Variants in ATP1B1 observed in about 807,000 individuals in gnomAD.
ATP1B1 encodes the protein sodium/potassium-transporting ATPase subunit beta-1.
In ATP1B1, 3 loss-of-function variants were observed where a neutral mutation model predicts 39.6. The ratio of observed to expected loss-of-function variants is 0.08; its 90% CI spans 0.03 to 0.20. The LOEUF (loss-of-function observed/expected upper bound fraction) is 0.20, where lower values mean the gene tolerates loss of function less well. Ranked by LOEUF, ATP1B1 falls within the 10% of genes least tolerant of loss-of-function variation. The pLI is 1.00. For missense variants in ATP1B1, 216 were observed against 371.1 expected, an observed-to-expected ratio of 0.58 and a Z score of 3.43; for synonymous variants, 139 against 135.0, an observed-to-expected ratio of 1.03 and a Z score of -0.20.
At chr1:169,109,243 T>G (rs1657676349) in intron 1 of ATP1B1, among the ~76,000 whole-genome samples, 1 of 152,166 alleles carries the variant, frequency 6.6e-6, no homozygotes, top group Admixed American at 6.5e-5. Flanking sequence ...CATTTGTTTG[T>G]TTTTCCAAAA....
Position 169,106,861 on chromosome 1 carries a change from G to GCTGGAAGAAATTCAT in ATP1B1, c.39_53dup (p.Lys13_Trp17dup), listed in dbSNP as rs1477724445. ...CGCGGGAAAGCCAAGGAGGAGGGCA[G>GCTGGAAGAAATTCAT]CTGGAAGAAATTCATCTGGAACTCA... On this transcript the variant is annotated inframe_insertion, in exon 1 of 6. Coordinates refer to ENST00000367815, the MANE Select transcript of ATP1B1 (RefSeq NM_001677.4). 1 of 1,586,416 alleles carries GCTGGAAGAAATTCAT rather than the reference G, an allele frequency of 6.3e-7. No individual in the cohort carries two copies. The highest frequency in any genetic ancestry group is 1.4e-5 in the African/African-American group (1 of 71,488).
At chr1:169,124,842 T>C in intron 2 of ATP1B1, 42 bp from the exon 3 acceptor site, 1 of 1,593,932 alleles carries the variant, frequency 6.3e-7, no homozygotes, top group Non-Finnish European at 8.6e-7. Flanking sequence ...ATTGTCTTCG[T>C]TTCTGCCTTC....
At chr1:169,122,790 TA>T (rs1658008563) in intron 2 of ATP1B1, among the ~76,000 whole-genome samples, 2 of 147,274 alleles carry the variant, frequency 1.4e-5, no homozygotes. Context: ...AGAGTCTTGC[TA>T]GGTTGCCTGG....
intron 2 of ATP1B1, among the ~76,000 whole-genome samples, chr1:169,117,330 G>A (rs1219050798): frequency 2.0e-5 from 3 of 152,134 alleles, no homozygotes; most frequent in Non-Finnish European, 4.4e-5. Flanking sequence ...GGGTTTGTGG[G>A]GGGAACTCTG....
chr1:169,125,999 A>G (rs1658077563), intron 3 of ATP1B1, among the ~76,000 whole-genome samples: 1 of 152,120 alleles, frequency 6.6e-6, no homozygotes, highest in Non-Finnish European at 1.5e-5. Context: ...AAACAAACAA[A>G]CATAAAACAT....
At chr1:169,129,126 G>A (rs1057099669) in intron 4 of ATP1B1, among the ~76,000 whole-genome samples, 7 of 152,152 alleles carry the variant, frequency 4.6e-5, no homozygotes, top group African/African-American at 1.7e-4. Context: ...AAATCTAGAC[G>A]ATCATTTTCT....
intron 3 of ATP1B1, among the ~76,000 whole-genome samples, chr1:169,126,106 G>A (rs903849019): frequency 6.6e-6 from 1 of 152,180 alleles, no homozygotes; most frequent in African/African-American, 2.4e-5. Flanking sequence ...CTTGGTCAGA[G>A]TATGGGGCGA....
At chr1:169,128,422 GT>G (rs1318804692) in intron 4 of ATP1B1, among the ~76,000 whole-genome samples, 1 of 152,126 alleles carries the variant, frequency 6.6e-6, no homozygotes, top group Non-Finnish European at 1.5e-5. Context: ...GAGATAAAAA[GT>G]TTTGTTAACT....
chr1:169,116,765 C>A (rs1202542520), intron 2 of ATP1B1, among the ~76,000 whole-genome samples: 2 of 151,824 alleles, frequency 1.3e-5, no homozygotes, highest in African/African-American at 4.8e-5. Context: ...GCAGGAGAAT[C>A]ACTTGAACCC....
At chr1:169,122,578 T>G (rs1168569692) in intron 2 of ATP1B1, among the ~76,000 whole-genome samples, 2 of 152,076 alleles carry the variant, frequency 1.3e-5, no homozygotes, top group Non-Finnish European at 2.9e-5. Flanking sequence ...ACTAAAAAAT[T>G]ATGGCTTGTA....
chr1:169,125,842 T>G (rs6427177), intron 3 of ATP1B1, among the ~76,000 whole-genome samples: 83,450 of 151,576 alleles, frequency 0.55, 23,645 homozygotes, highest in East Asian at 0.82. Flanking sequence ...GGGTGTGGTG[T>G]TGTGTGCCCG....
chr1:169,109,701 G>A (rs1353206751), intron 1 of ATP1B1, among the ~76,000 whole-genome samples: 1 of 151,660 alleles, frequency 6.6e-6, no homozygotes, highest in Non-Finnish European at 1.5e-5. Context: ...TGGAGTCCAG[G>A]GAATGAGTAT....
chr1:169,119,990 A>G (rs566389433), intron 2 of ATP1B1, among the ~76,000 whole-genome samples: 1 of 152,002 alleles, frequency 6.6e-6, no homozygotes, highest in South Asian at 2.1e-4. Context: ...GAGAAGAGGA[A>G]TTTTTCTAAT....
chr1:169,114,049 A>G (rs1029331968), intron 2 of ATP1B1, among the ~76,000 whole-genome samples: 1 of 151,808 alleles, frequency 6.6e-6, no homozygotes, highest in African/African-American at 2.4e-5. Flanking sequence ...AGAGTGCCGA[A>G]CCTTGATCAG....
rs981147202 is a variant in ATP1B1 at position 169,107,811 on chromosome 1, CTA to C, written c.97+887_97+888del. On this transcript the variant is annotated intron_variant, in intron 1 of 5. Transcript: ENST00000367815. ...TTGAAGGGCAGAGTTGTAGGCGAAT[CTA>C]TGAGTCGTGACTGCGTGAGGGAAGG... 7.3e-5 allele frequency: 11 copies of C among 151,576 alleles called. No individual in the cohort carries two copies. The South Asian group carries it at 8.3e-4, about 11-fold the overall frequency. 9.4% of individuals were successfully genotyped at this position (151,576 alleles called of 1,614,324 possible).
Position 169,131,184 on chromosome 1 carries a change from CCT to C in ATP1B1, c.649-102_649-101del, listed in dbSNP as rs1658211909. Reference sequence around the variant, plus strand: ...GGAATAGACTGAGTAGATGTTCTTTCCTCTCTCAGTAGTTTGCAAACTACTGT... The same window carrying C: ...GGAATAGACTGAGTAGATGTTCTTTCCTCTCAGTAGTTTGCAAACTACTGT... On this transcript the variant is annotated intron_variant, in intron 5 of 5. Transcript: ENST00000367815. This position sits in a 1 kb window ranked among gnomAD's most constrained non-coding sequence, Gnocchi z 4.4. 2.9e-5 allele frequency: 39 copies of C among 1,354,100 alleles called. No homozygotes were observed. In the South Asian group the frequency reaches 5.1e-4, roughly 18 times the overall value. The allele number at this position is 1,354,100 out of a possible 1,614,324, so 83.9% of individuals were successfully genotyped here.
At chr1:169,116,349 CTT>C (rs71693570) in intron 2 of ATP1B1, among the ~76,000 whole-genome samples, 24,491 of 152,102 alleles carry the variant, frequency 0.16, 2,125 homozygotes, top group African/African-American at 0.23. Flanking sequence ...GCTGTTCTCT[CTT>C]TTAAGGTTGT....
chr1:169,122,770 T>TTTTTAA (rs71121722), intron 2 of ATP1B1, among the ~76,000 whole-genome samples: 13 of 101,284 alleles, frequency 1.3e-4, no homozygotes, highest in Non-Finnish European at 2.7e-4. Context: ...TTTTTTTTTT[T>TTTTTAA]AATTGCGATA....
chr1:169,118,919 C>A (rs1657914109), intron 2 of ATP1B1, among the ~76,000 whole-genome samples: 1 of 152,116 alleles, frequency 6.6e-6, no homozygotes, highest in Non-Finnish European at 1.5e-5. Flanking sequence ...ATGACAGGTG[C>A]AAGCAGCTGT....
Sources: allele counts gnomAD v4.1 joint callset (sites outside exome capture counted in the v4.1 genomes callset), GRCh38; gene constraint gnomAD v4.1.1; non-coding constraint Gnocchi (gnomAD v3.1); transcripts MANE v1.5; gene names NCBI Gene and HGNC (gene_info 2026-07-23, HGNC 2026-07-21).